The following DLG2 variants were observed in gnomAD, a reference collection of about 807,000 sequenced individuals.
DLG2 encodes discs large MAGUK scaffold protein 2, also known as disks large homolog 2.
A neutral mutation model predicts 132.5 loss-of-function variants in DLG2; 45 were observed. That is an observed-to-expected ratio of 0.34 (90% CI 0.27 to 0.44). The LOEUF is 0.44. Among genes scored for constraint, DLG2 ranks in the 20% least tolerant of loss-of-function variants. The probability of loss-of-function intolerance (pLI) is 1.00; values close to 1 mark genes in which losing one functional copy is unlikely to be tolerated. For synonymous variants in DLG2, 424 were observed against 419.6 expected, an observed-to-expected ratio of 1.01 and a Z score of -0.13; for missense variants, 1,045 against 1,196.9, an observed-to-expected ratio of 0.87 and a Z score of 1.87.
intron 6 of DLG2, among the ~76,000 whole-genome samples, chr11:84,814,054 A>G (rs1308687466): frequency 6.6e-6 from 1 of 152,130 alleles, no homozygotes; most frequent in Admixed American, 6.6e-5. Context: ...CTAAAACATT[A>G]TTATGAAAAA....
chr11:84,042,286 T>G (rs1289236348), intron 11 of DLG2, among the ~76,000 whole-genome samples: 1 of 151,872 alleles, frequency 6.6e-6, no homozygotes, highest in Non-Finnish European at 1.5e-5. Flanking sequence ...GTCTTTAACT[T>G]TGATATATCT....
intron 11 of DLG2, among the ~76,000 whole-genome samples, chr11:84,009,168 T>G (rs2094740463): frequency 6.6e-6 from 1 of 151,974 alleles, no homozygotes; most frequent in African/African-American, 2.4e-5. Context: ...ATAGGACTAA[T>G]AGTATACCAT....
At chr11:84,154,758 T>C (rs994254554) in intron 9 of DLG2, among the ~76,000 whole-genome samples, 3 of 152,184 alleles carry the variant, frequency 2.0e-5, no homozygotes, top group Non-Finnish European at 2.9e-5. Context: ...GTTTGGTTTT[T>C]TGTCCCTGCG....
At chr11:84,576,679 G>C (rs1431385486) in intron 6 of DLG2, among the ~76,000 whole-genome samples, 1 of 152,220 alleles carries the variant, frequency 6.6e-6, no homozygotes, top group Non-Finnish European at 1.5e-5. Context: ...AGGTGTGCAA[G>C]TAATGAGGAT....
At chr11:83,706,764 G>A (rs182587646) in intron 18 of DLG2, among the ~76,000 whole-genome samples, 11 of 152,278 alleles carry the variant, frequency 7.2e-5, no homozygotes, top group East Asian at 1.9e-4. Context: ...CCAGAGTGGC[G>A]AGTGGGCTCT....
intron 3 of DLG2, among the ~76,000 whole-genome samples, chr11:85,464,009 C>CACACACACAT (rs2092701587): frequency 1.3e-5 from 2 of 150,532 alleles, no homozygotes; most frequent in African/African-American, 4.9e-5. Context: ...CACACATACA[C>CACACACACAT]ACACACACAC....
chr11:85,053,986 G>T (rs1054728597), intron 6 of DLG2, among the ~76,000 whole-genome samples: 1 of 151,760 alleles, frequency 6.6e-6, no homozygotes, highest in Non-Finnish European at 1.5e-5. Context: ...TGCCAATCAG[G>T]CCAGGCACGG....
At chr11:84,895,129 T>C (rs1057271704) in intron 6 of DLG2, among the ~76,000 whole-genome samples, 2 of 152,208 alleles carry the variant, frequency 1.3e-5, no homozygotes, top group African/African-American at 4.8e-5. Context: ...TTTACTCAAC[T>C]TATTTACATG....
intron 19 of DLG2, among the ~76,000 whole-genome samples, chr11:83,604,745 G>C (rs946734527): frequency 6.6e-6 from 1 of 152,082 alleles, no homozygotes; most frequent in Non-Finnish European, 1.5e-5. Context: ...CACATGTGTG[G>C]GGGCAGGGTA....
intron 8 of DLG2, among the ~76,000 whole-genome samples, chr11:84,232,845 A>T (rs2097110921): frequency 6.6e-6 from 1 of 152,192 alleles, no homozygotes; most frequent in Admixed American, 6.5e-5. Flanking sequence ...TAAAATATTG[A>T]AGAGATCAAG....
chr11:84,542,124 C>T (rs1455839353), intron 6 of DLG2, among the ~76,000 whole-genome samples: 1 of 136,654 alleles, frequency 7.3e-6, no homozygotes, highest in Non-Finnish European at 1.6e-5. Context: ...TGGCACAGTA[C>T]TGATGAGAGA....
intron 3 of DLG2, among the ~76,000 whole-genome samples, chr11:85,461,395 T>A (rs942621620): frequency 1.3e-5 from 2 of 152,200 alleles, no homozygotes; most frequent in African/African-American, 2.4e-5. Flanking sequence ...CAAAACTTAT[T>A]TTTACAAGGA....
At chr11:83,549,353 A>C (rs1478785355) in intron 19 of DLG2, among the ~76,000 whole-genome samples, 5 of 152,178 alleles carry the variant, frequency 3.3e-5, no homozygotes, top group Admixed American at 1.3e-4. Context: ...TGTCACTGAG[A>C]AAATAAGTGG....
intron 2 of DLG2, among the ~76,000 whole-genome samples, chr11:85,618,137 A>T (rs1234238612): frequency 6.6e-6 from 1 of 152,178 alleles, no homozygotes; most frequent in Non-Finnish European, 1.5e-5. Flanking sequence ...AACTGGACAG[A>T]AGAGACTGGA....
intron 6 of DLG2, among the ~76,000 whole-genome samples, chr11:84,704,879 ATATACACATTATG>A (rs1229011781): frequency 6.7e-6 from 1 of 149,650 alleles, no homozygotes; most frequent in African/African-American, 2.4e-5. Context: ...ACACACATAT[ATATACACATTATG>A]TATATATACA....
chr11:85,025,909 CAT>C (rs2060476198), intron 6 of DLG2, among the ~76,000 whole-genome samples: 1 of 151,790 alleles, frequency 6.6e-6, no homozygotes, highest in East Asian at 1.9e-4. Context: ...TTTAGATACA[CAT>C]GATTATCTAT....
chr11:85,014,032 A>G (rs897090302), intron 6 of DLG2, among the ~76,000 whole-genome samples: 7 of 152,190 alleles, frequency 4.6e-5, no homozygotes, highest in Non-Finnish European at 1.0e-4. Context: ...GATTCTCCTC[A>G]AAAGAGAGGA....
chr11:84,875,288 T>C (rs551232653), intron 6 of DLG2, among the ~76,000 whole-genome samples: 2 of 152,086 alleles, frequency 1.3e-5, no homozygotes, highest in African/African-American at 2.4e-5. Flanking sequence ...GAGTTCAGAA[T>C]AGAAGTTTCA....
chr11:83,490,041 A>G (rs2093750115), intron 21 of DLG2, among the ~76,000 whole-genome samples: 1 of 152,010 alleles, frequency 6.6e-6, no homozygotes, highest in Non-Finnish European at 1.5e-5. Context: ...CTAACAGCAA[A>G]ATGCACATTC....
Sources: allele counts gnomAD v4.1 joint callset (sites outside exome capture counted in the v4.1 genomes callset), GRCh38; gene constraint gnomAD v4.1.1; transcripts MANE v1.5; gene names NCBI Gene and HGNC (gene_info 2026-07-23, HGNC 2026-07-21).